Variants in AGO2 observed in about 807,000 individuals in gnomAD.
The protein encoded by AGO2 is argonaute RISC catalytic component 2, also known as protein argonaute-2.
Under a neutral mutation model 102.3 loss-of-function variants are expected in AGO2, and 5 were observed. The observed-to-expected ratio is 0.05, with a 90% CI of 0.03 to 0.10. AGO2 has a LOEUF of 0.10. Among genes scored for constraint, AGO2 ranks in the 10% least tolerant of loss-of-function variants. AGO2 has a pLI of 1.00. For missense variants in AGO2, 541 were observed against 1,183.7 expected, an observed-to-expected ratio of 0.46 and a Z score of 7.97; for synonymous variants, 449 against 473.1, an observed-to-expected ratio of 0.95 and a Z score of 0.66.
At chr8:140,632,554 C>T (rs1358416640) in intron 1 of AGO2, among the ~76,000 whole-genome samples, 5 of 152,188 alleles carry the variant, frequency 3.3e-5, no homozygotes, top group Non-Finnish European at 5.9e-5. Flanking sequence ...GTGTAACACA[C>T]GGGAGCTTGA....
At chr8:140,615,000 T>C (rs1274680376) in intron 1 of AGO2, among the ~76,000 whole-genome samples, 3 of 152,220 alleles carry the variant, frequency 2.0e-5, no homozygotes, top group African/African-American at 7.2e-5. Flanking sequence ...AACACCACCA[T>C]TCACATATTC....
intron 16 of AGO2, among the ~76,000 whole-genome samples, chr8:140,535,800 T>A (rs2072686077): frequency 6.6e-6 from 1 of 152,252 alleles, no homozygotes; most frequent in Non-Finnish European, 1.5e-5. Context: ...CCAACTCTCA[T>A]GAAGGCCCAT....
At position 140,557,052 on chromosome 8, in the gene AGO2, C is replaced by G; in HGVS notation, c.1026+37G>C. ...GCCCCAGCCTGGGACGCCGCCCTCC[C>G]AAGCCCCCAGAGACACACAGGAAGA... On this transcript the variant is annotated intron_variant, in intron 8 of 18. Transcript: ENST00000220592. This position sits in a 1 kb window ranked among gnomAD's most constrained non-coding sequence, Gnocchi z 5.9. The G allele has an allele frequency of 1.3e-6, 2 of 1,587,980 alleles. No individual in the cohort carries two copies.
intron 1 of AGO2, among the ~76,000 whole-genome samples, chr8:140,608,901 T>TG (rs1349169165): frequency 6.6e-6 from 1 of 152,196 alleles, no homozygotes; most frequent in Non-Finnish European, 1.5e-5. Flanking sequence ...TCTGCAACTG[T>TG]GTAGGGGCCC....
Position 140,526,488 on chromosome 8 carries a change from G to T in AGO2, c.*5556C>A, listed in dbSNP as rs1397404094. On this transcript the variant is annotated 3_prime_UTR_variant, in exon 19 of 19. Transcript: ENST00000220592. This position sits in a 1 kb window ranked among gnomAD's most constrained non-coding sequence, Gnocchi z 5.2. The stretch of plus-strand genomic sequence containing the variant: ...CACCTGACACAGTAGAGGAGGAGGG[G>T]CTGCCCGTGGGTCACAGTATGGCAC... The T allele has an allele frequency of 6.6e-6, 1 of 152,174 alleles. No individual in the cohort carries two copies. Among genetic ancestry groups the T allele is most frequent in the Non-Finnish European group, 1.5e-5 (1 of 68,042 alleles). 9.4% of individuals were successfully genotyped at this position (152,174 alleles called of 1,614,324 possible). A position where few individuals can be genotyped will look rare whatever the true frequency, so the allele number is the denominator to read the frequency against.
intron 1 of AGO2, among the ~76,000 whole-genome samples, chr8:140,635,046 G>C (rs1419482351): frequency 6.7e-6 from 1 of 149,686 alleles, no homozygotes. Flanking sequence ...GGTCAGGCCG[G>C]GCCGGGCTGC....
intron 6 of AGO2, 53 bp from the exon 7 acceptor site, chr8:140,558,625 A>G: frequency 1.3e-6 from 2 of 1,578,294 alleles, no homozygotes; most frequent in Non-Finnish European, 1.7e-6. Flanking sequence ...ACCTGAGTGC[A>G]GGCGCCACTT....
chr8:140,576,026 T>C (rs6578121), intron 2 of AGO2, among the ~76,000 whole-genome samples: 111,184 of 152,004 alleles, frequency 0.73, 41,704 homozygotes, highest in Non-Finnish European at 0.82. Flanking sequence ...ATTATAAAAA[T>C]GAAAAGACAA....
intron 1 of AGO2, among the ~76,000 whole-genome samples, chr8:140,590,126 A>G (rs2133026040): frequency 6.6e-6 from 1 of 152,310 alleles, no homozygotes; most frequent in South Asian, 2.1e-4. Flanking sequence ...AGCCGAAGTC[A>G]AAGCCTCACC....
Position 140,522,713 on chromosome 8 carries a change from AGG to A in AGO2, c.*9329_*9330del, listed in dbSNP as rs1274769538. On this transcript the variant is annotated 3_prime_UTR_variant, in exon 19 of 19. Transcript: ENST00000220592. ...GACAGAGACAGAGAGAGGGAGGGGGAGGGGGGAGAGGGGGAGAGAGAGAGAGA... is the reference window on the plus strand; with the variant it reads ...GACAGAGACAGAGAGAGGGAGGGGGAGGGGAGAGGGGGAGAGAGAGAGAGA... 1 of 45,188 alleles carries A rather than the reference AGG, an allele frequency of 2.2e-5. No individual in the cohort carries two copies. Among genetic ancestry groups the A allele is most frequent in the East Asian group, 9.8e-4 (1 of 1,024 alleles). The allele number at this position is 45,188 out of a possible 1,614,324, so 2.8% of individuals were successfully genotyped here.
intron 1 of AGO2, among the ~76,000 whole-genome samples, chr8:140,620,521 T>C (rs2074205228): frequency 6.6e-6 from 1 of 152,198 alleles, no homozygotes; most frequent in East Asian, 1.9e-4. Context: ...TTATATCTTC[T>C]CCTCCACTTT....
At chr8:140,608,840 T>TCATC (rs1359384519) in intron 1 of AGO2, among the ~76,000 whole-genome samples, 1 of 152,216 alleles carries the variant, frequency 6.6e-6, no homozygotes, top group Non-Finnish European at 1.5e-5. Context: ...CCTGGTAATG[T>TCATC]CTGGATACCT....
At chr8:140,620,944 C>T (rs772293422) in intron 1 of AGO2, among the ~76,000 whole-genome samples, 3 of 152,070 alleles carry the variant, frequency 2.0e-5, no homozygotes, top group South Asian at 2.1e-4. Context: ...GACAGGGTCC[C>T]GCTCCATCAC....
intron 10 of AGO2, among the ~76,000 whole-genome samples, chr8:140,552,717 C>T (rs1398428826): frequency 3.3e-5 from 5 of 150,116 alleles, no homozygotes; most frequent in African/African-American, 9.8e-5. Flanking sequence ...CACATGAACA[C>T]ACGCACATGC....
rs750958440 is a variant in AGO2 at position 140,557,042 on chromosome 8, G to T, written c.1026+47C>A. ...GAAGCTGCATGCCCCAGCCTGGGAC[G>T]CCGCCCTCCCAAGCCCCCAGAGACA... On this transcript the variant is annotated intron_variant, in intron 8 of 18. Transcript: ENST00000220592. The surrounding 1 kb of genome is among the most constrained non-coding windows in gnomAD (Gnocchi z 5.9). 1 of 1,574,312 alleles carries T rather than the reference G, an allele frequency of 6.4e-7. No individual in the cohort carries two copies.
At chr8:140,572,723 G>A in intron 3 of AGO2, 89 bp downstream of exon 3, 1 of 1,510,770 alleles carries the variant, frequency 6.6e-7, no homozygotes, top group Non-Finnish European at 8.9e-7. Context: ...ATAGTTTCGT[G>A]TATGAGAACA....
chr8:140,555,066 G>T (rs2073072477), intron 10 of AGO2, among the ~76,000 whole-genome samples: 1 of 152,194 alleles, frequency 6.6e-6, no homozygotes. Flanking sequence ...TTGAGGATGA[G>T]AATAAAATTC....
intron 1 of AGO2, among the ~76,000 whole-genome samples, chr8:140,612,137 C>T (rs1459375853): frequency 7.0e-6 from 1 of 142,904 alleles, no homozygotes; most frequent in East Asian, 2.3e-4. Flanking sequence ...GCAGGAGAAT[C>T]GCTTGAACCT....
chr8:140,552,502 G>GT (rs968846299), intron 10 of AGO2, among the ~76,000 whole-genome samples: 32 of 151,978 alleles, frequency 2.1e-4, no homozygotes, highest in African/African-American at 2.9e-4. Context: ...AGAGGTTTTT[G>GT]TTTTTTTTAG....
Sources: allele counts gnomAD v4.1 joint callset (sites outside exome capture counted in the v4.1 genomes callset), GRCh38; gene constraint gnomAD v4.1.1; non-coding constraint Gnocchi (gnomAD v3.1); transcripts MANE v1.5; gene names NCBI Gene and HGNC (gene_info 2026-07-23, HGNC 2026-07-21).